Variants in RGMB observed in about 807,000 individuals in gnomAD.
The protein encoded by RGMB is repulsive guidance molecule BMP co-receptor b.
Under a neutral mutation model 26.9 loss-of-function variants are expected in RGMB, and 16 were observed. The ratio of observed to expected loss-of-function variants is 0.60; its 90% CI spans 0.40 to 0.90. The LOEUF is 0.90. RGMB is among the 40% of genes least tolerant of loss of function. The pLI, the probability that RGMB is intolerant of heterozygous loss-of-function variation, is 0.00. For missense variants in RGMB, 512 were observed against 573.3 expected (o/e 0.89, Z 1.09); for synonymous variants, 225 against 229.3 (o/e 0.98, Z 0.17).
upstream of RGMB, chr5:98,770,702 C>T (rs1746131697): frequency 7.2e-7 from 1 of 1,389,058 alleles, no homozygotes. Context: ...TTTCTCAAGT[C>T]GCCCGCTTGG....
chr5:98,796,031 C>T lies in RGMB; in HGVS notation c.*2278C>T, dbSNP rs537374835. The T allele has an allele frequency of 9.8e-5, 15 of 152,318 alleles. No homozygotes were observed. Among genetic ancestry groups the T allele is most frequent in the Non-Finnish European group, 1.8e-4 (12 of 68,036 alleles). The allele number at this position is 152,318 out of a possible 1,614,324, so 9.4% of individuals were successfully genotyped here. On this transcript the variant is annotated 3_prime_UTR_variant, in exon 3 of 3. Transcript: ENST00000513185. Reference sequence around the variant, plus strand: ...TATTTTGCTATTCTGCCCTTGTAATCGGTGTCCCTGTAAAACAATCCCCAC... The same window carrying T: ...TATTTTGCTATTCTGCCCTTGTAATTGGTGTCCCTGTAAAACAATCCCCAC...
At chr5:98,778,988 G>A (rs918838145) in intron 1 of RGMB, among the ~76,000 whole-genome samples, 3 of 151,574 alleles carry the variant, frequency 2.0e-5, no homozygotes, top group Non-Finnish European at 4.4e-5. Context: ...CTTGGTAAAC[G>A]TGCCTCAGGA....
chr5:98,770,901 G>C, upstream of RGMB: 1 of 395,770 alleles, frequency 2.5e-6, no homozygotes. Context: ...AGTGGCCGGG[G>C]AGCAGCCGGG....
At chr5:98,791,238 T>G (rs996080871) in intron 2 of RGMB, among the ~76,000 whole-genome samples, 1 of 152,162 alleles carries the variant, frequency 6.6e-6, no homozygotes, top group Admixed American at 6.6e-5. Flanking sequence ...ACCCAGCATT[T>G]TCATAGTACA....
rs535457575 is a variant in RGMB, at chr5:98,787,402, A to G, written c.646-5683A>G. Reference sequence around the variant, plus strand: ...AGGGCCTCGGGTCTGTAGTCCTGCCACCTCTCTCTACCAGGAGAGGGAATG... The same window carrying G: ...AGGGCCTCGGGTCTGTAGTCCTGCCGCCTCTCTCTACCAGGAGAGGGAATG... On this transcript the variant is annotated intron_variant, in intron 2 of 2. Transcript: ENST00000513185. Among the ~76,000 whole-genome samples, 10 of 152,270 alleles carry G rather than the reference A, an allele frequency of 6.6e-5. No homozygotes were observed. In the East Asian group the frequency reaches 1.9e-3, roughly 29 times the overall value.
At chr5:98,778,250 TAA>T (rs1746476095) in intron 1 of RGMB, among the ~76,000 whole-genome samples, 1 of 152,216 alleles carries the variant, frequency 6.6e-6, no homozygotes, top group South Asian at 2.1e-4. Flanking sequence ...GGCTAAATTT[TAA>T]GTCTTTATCA....
rs1746287056 is a variant in RGMB at position 98,774,041 on chromosome 5, C to T, written c.-30C>T. The T allele has an allele frequency of 2.6e-6, 2 of 778,804 alleles. No homozygotes were observed. The highest frequency in any genetic ancestry group is 6.7e-5 in the East Asian group (2 of 29,988). 48.2% of individuals were successfully genotyped at this position (778,804 alleles called of 1,614,324 possible). ...CACGGCGCCCGCGCCGCCGCCCTCG[C>T]CGGAGCCCACGAGACCTGCATGGAC... On this transcript the variant is annotated 5_prime_UTR_variant, in exon 1 of 3. Transcript: ENST00000513185.
intron 2 of RGMB, among the ~76,000 whole-genome samples, chr5:98,783,323 CCATCT>C (rs1015234804): frequency 1.3e-5 from 2 of 152,182 alleles, no homozygotes; most frequent in Non-Finnish European, 2.9e-5. Context: ...CAGCTCTGGG[CCATCT>C]TCCCCACCTT....
chr5:98,776,216 C>A (rs1746395361), intron 1 of RGMB, among the ~76,000 whole-genome samples: 1 of 152,198 alleles, frequency 6.6e-6, no homozygotes, highest in African/African-American at 2.4e-5. Flanking sequence ...CCCACAAATG[C>A]TTTAGCATGT....
intron 2 of RGMB, among the ~76,000 whole-genome samples, chr5:98,785,032 C>T (rs1746730168): frequency 6.6e-6 from 1 of 152,156 alleles, no homozygotes; most frequent in South Asian, 2.1e-4. Context: ...CTTGGCATCT[C>T]TTTGAGATTT....
intron 2 of RGMB, among the ~76,000 whole-genome samples, chr5:98,783,781 A>G (rs1473535927): frequency 6.6e-6 from 1 of 152,264 alleles, no homozygotes; most frequent in African/African-American, 2.4e-5. Flanking sequence ...ATTCAAAAGT[A>G]TTCCTTTTTC....
In RGMB at chr5:98,793,261, C is replaced by T. The variant is rs752488608; in HGVS notation, c.822C>T (p.Arg274=). 2 of 1,614,006 alleles carry T rather than the reference C, an allele frequency of 1.2e-6. No homozygotes were observed. The highest frequency in any genetic ancestry group is 1.7e-6 in the Non-Finnish European group (2 of 1,179,880). Residue 274 remains arginine, a synonymous_variant, in exon 3 of 3, where the codon CGC becomes CGT. Coordinates refer to ENST00000513185, the MANE Select transcript of RGMB (RefSeq NM_001366508.1). ...GCCACTATGTGGAGATGCACGCCCG[C>T]TATATAGGGACCACAGTGTTTGTGC... ...ESGHYVEMHA[R]YIGTTVFVRQ...
In RGMB at chr5:98,793,473, C is replaced by T; in HGVS notation, c.1034C>T (p.Ala345Val). 6.2e-7 allele frequency: 1 copy of T among 1,613,200 alleles called. No homozygotes were observed. The highest frequency in any genetic ancestry group is 8.5e-7 in the Non-Finnish European group (1 of 1,179,602). Residue 345 changes from alanine to valine, a missense_variant, in exon 3 of 3, where the codon GCC becomes GTC. Physicochemically the swap from Ala to Val is moderately conservative, Grantham distance 64. Coordinates refer to ENST00000513185, the MANE Select transcript of RGMB (RefSeq NM_001366508.1). ...HSLPRTSLVQ[A>V]WPGYTLETAN... ...CTGCCTCGCACCTCCTTGGTGCAGG[C>T]CTGGCCTGGCTACACACTGGAGACT... is the stretch of plus-strand genomic sequence containing the variant.
Position 98,795,437 on chromosome 5 carries a change from T to C in RGMB, c.*1684T>C, listed in dbSNP as rs1344900404. 6.6e-6 allele frequency: 1 copy of C among 152,168 alleles called. No homozygotes were observed. The highest frequency in any genetic ancestry group is 6.5e-5 in the Admixed American group (1 of 15,276). The allele number at this position is 152,168 out of a possible 1,614,324, so 9.4% of individuals were successfully genotyped here. ...AGGAAGAGGACGTCATTTTGTAAAG[T>C]TTAACTTCTTAGCGAACTGATGTGC... is the stretch of plus-strand genomic sequence containing the variant. On this transcript the variant is annotated 3_prime_UTR_variant, in exon 3 of 3. Transcript: ENST00000513185.
At chr5:98,790,680 C>T (rs748913099) in intron 2 of RGMB, among the ~76,000 whole-genome samples, 7 of 152,170 alleles carry the variant, frequency 4.6e-5, no homozygotes, top group Admixed American at 2.0e-4. Flanking sequence ...AATCGGTTAT[C>T]TTTGCTTTGT....
chr5:98,791,753 G>A (rs940356169), intron 2 of RGMB, among the ~76,000 whole-genome samples: 5 of 151,178 alleles, frequency 3.3e-5, no homozygotes, highest in Admixed American at 6.6e-5. Flanking sequence ...TCTCCATGTT[G>A]TGTGACACAG....
chr5:98,786,420 G>C (rs1450811712), intron 2 of RGMB, among the ~76,000 whole-genome samples: 1 of 152,216 alleles, frequency 6.6e-6, no homozygotes, highest in African/African-American at 2.4e-5. Flanking sequence ...TTGTTTTTCT[G>C]TCACATTTCC....
At chr5:98,783,926 A>G (rs559686436) in intron 2 of RGMB, among the ~76,000 whole-genome samples, 1 of 152,296 alleles carries the variant, frequency 6.6e-6, no homozygotes, top group South Asian at 2.1e-4. Context: ...ATGTGGTTGT[A>G]TCCTTTTTCA....
At chr5:98,773,090 C>G (rs1030249843), upstream of RGMB, 3 of 152,200 alleles carry the variant, frequency 2.0e-5, no homozygotes, top group African/African-American at 7.2e-5. Flanking sequence ...GCTTGCTTTA[C>G]CAGACACCCT....
Sources: gnomAD v4.1 joint callset for allele counts (sites outside exome capture counted in the v4.1 genomes callset) on GRCh38, gnomAD v4.1.1 for gene constraint, MANE v1.5 for transcripts, NCBI Gene and HGNC (gene_info 2026-07-23, HGNC 2026-07-21) for gene names.